Variants in BCAR3 observed in about 807,000 individuals in gnomAD.
BCAR3 encodes breast cancer anti-estrogen resistance protein 3.
BCAR3 carries 37 observed loss-of-function variants against 80.1 expected under a neutral mutation model. That is an observed-to-expected ratio of 0.46 (90% CI 0.36 to 0.61). BCAR3 has a LOEUF of 0.61. Among genes scored for constraint, BCAR3 ranks in the 20% least tolerant of loss-of-function variants. The pLI is 0.00. For synonymous variants in BCAR3, 389 were observed against 418.9 expected (o/e 0.93, Z 0.87); for missense variants, 978 against 1,068.2 (o/e 0.92, Z 1.18).
chr1:93,845,502 A>ATATACATATATATATCATGTTGTCAAG, intron 2 of BCAR3: 1 of 113,822 alleles, frequency 8.8e-6, no homozygotes, highest in African/African-American at 3.5e-5. Flanking sequence ...ATATATATAT[A>ATATACATATATATATCATGTTGTCAAG]AAACTTTGTT....
intron 5 of BCAR3, among the ~76,000 whole-genome samples, chr1:93,585,946 A>G (rs12563504): frequency 0.077 from 11,659 of 152,238 alleles, 861 homozygotes; most frequent in African/African-American, 0.19. Context: ...TAGTAGGTGT[A>G]TATATTTATG....
chr1:93,773,456 G>C (rs1652431370), intron 2 of BCAR3, among the ~76,000 whole-genome samples: 2 of 152,190 alleles, frequency 1.3e-5, no homozygotes, highest in Admixed American at 1.3e-4. Flanking sequence ...GAAGGGGAGG[G>C]GGGCAGACAG....
chr1:93,710,004 T>C (rs1649964221), intron 2 of BCAR3, among the ~76,000 whole-genome samples: 1 of 152,248 alleles, frequency 6.6e-6, no homozygotes, highest in African/African-American at 2.4e-5. Context: ...AAAGTTGTTT[T>C]GGGGAACATT....
chr1:93,662,005 G>A (rs1273438090), intron 2 of BCAR3, among the ~76,000 whole-genome samples: 2 of 152,186 alleles, frequency 1.3e-5, no homozygotes, highest in Admixed American at 1.3e-4. Context: ...CACGTGATGC[G>A]AGAAATTCCT....
At position 93,681,706 on chromosome 1, in the gene BCAR3, C is replaced by G. The variant is rs962685422; in HGVS notation, c.-120G>C. 9 of 151,782 alleles carry G rather than the reference C, an allele frequency of 5.9e-5. No individual in the cohort carries two copies. The East Asian group carries it at 1.8e-3, about 30-fold the overall frequency. 9.4% of individuals were successfully genotyped at this position (151,782 alleles called of 1,614,324 possible). Reference sequence around the variant, plus strand: ...GCACCGCCCGCGCCGCGGCTGCTCCCGGAGCTGGGGACGCTCATGGTCCGC... The same window carrying G: ...GCACCGCCCGCGCCGCGGCTGCTCCGGGAGCTGGGGACGCTCATGGTCCGC... On this transcript the variant is annotated 5_prime_UTR_variant, in exon 1 of 12. Coordinates refer to ENST00000260502, the MANE Select transcript of BCAR3 (RefSeq NM_003567.4).
chr1:93,789,152 AG>A (rs1472127701), intron 2 of BCAR3, among the ~76,000 whole-genome samples: 22 of 152,120 alleles, frequency 1.4e-4, no homozygotes, highest in African/African-American at 4.6e-4. Context: ...TTTAGCACCC[AG>A]CTAATTAAAA....
rs530690128 is a variant in BCAR3, at chr1:93,712,249, C to G, written c.-62-6107G>C. 5.3e-5 allele frequency among the ~76,000 whole-genome samples: 8 copies of G among 152,358 alleles called. 1 individual carries two copies. The South Asian group carries it at 1.2e-3, about 24-fold the overall frequency. ...CCTCTGTCCCCGACCCTGGTTCACC[C>G]AGCCTGTCCCAGGAAAGCCACATCT... On this transcript the variant is annotated intron_variant, in intron 2 of 13. Coordinates refer to the BCAR3 transcript ENST00000370244.
chr1:93,848,004 C>A (rs998289081), upstream of BCAR3: 1 of 176,546 alleles, frequency 5.7e-6, no homozygotes, highest in Non-Finnish European at 1.2e-5. Flanking sequence ...TCGGGTGACA[C>A]CCCCACGCCT....
chr1:93,618,020 G>A (rs1675191764), intron 3 of BCAR3, among the ~76,000 whole-genome samples: 1 of 152,238 alleles, frequency 6.6e-6, no homozygotes. Flanking sequence ...AGGGCCTGAG[G>A]GAGGAGAGCT....
At chr1:93,623,752 A>G (rs1419529756) in intron 3 of BCAR3, among the ~76,000 whole-genome samples, 1 of 152,192 alleles carries the variant, frequency 6.6e-6, no homozygotes, top group Non-Finnish European at 1.5e-5. Flanking sequence ...GGCTCACCTT[A>G]TCAGTGTAAG....
chr1:93,641,924 C>G (rs1357522377), intron 3 of BCAR3, among the ~76,000 whole-genome samples: 1 of 152,174 alleles, frequency 6.6e-6, no homozygotes, highest in East Asian at 1.9e-4. Flanking sequence ...CATTTGTCAT[C>G]TATTTATCCC....
intron 3 of BCAR3, among the ~76,000 whole-genome samples, chr1:93,626,188 C>T (rs988337531): frequency 5.3e-5 from 8 of 152,158 alleles, no homozygotes; most frequent in Non-Finnish European, 8.8e-5. Context: ...CAATTGAGAA[C>T]CCTTACTTCA....
Position 93,567,757 on chromosome 1 carries a change from A to C in BCAR3, c.2069T>G (p.Leu690Arg). The C allele has an allele frequency of 7.4e-6, 12 of 1,614,012 alleles. No individual in the cohort carries two copies. The highest frequency in any genetic ancestry group is 1.0e-5 in the Non-Finnish European group (12 of 1,179,886). ...YEKQLKPFSK[L>R]LHEGRESTCV... Reference sequence around the variant, plus strand: ...GTGCTCACCTCTGCCTTCATGCAGGAGTTTGCTGAAGGGCTTCAGCTGTTT... The same window carrying C: ...GTGCTCACCTCTGCCTTCATGCAGGCGTTTGCTGAAGGGCTTCAGCTGTTT... Residue 690 changes from leucine (L) to arginine (R), a missense_variant, in exon 10 of 12, where the codon CTC becomes CGC. Leu to Arg is a moderately radical substitution (Grantham distance 102, BLOSUM62 -2). Coordinates refer to ENST00000260502, the MANE Select transcript of BCAR3 (RefSeq NM_003567.4).
At chr1:93,840,484 G>A (rs982543645) in intron 2 of BCAR3, among the ~76,000 whole-genome samples, 3 of 152,172 alleles carry the variant, frequency 2.0e-5, no homozygotes, top group South Asian at 4.1e-4. Context: ...TTTAATAGAT[G>A]GTTATTTGTT....
chr1:93,710,746 C>T (rs917525412), intron 2 of BCAR3, among the ~76,000 whole-genome samples: 4 of 152,348 alleles, frequency 2.6e-5, no homozygotes, highest in East Asian at 1.9e-4. Context: ...ATCTAGCTAA[C>T]GCTTTTTGTC....
chr1:93,797,272 C>G (rs1653310937), intron 2 of BCAR3, among the ~76,000 whole-genome samples: 1 of 152,158 alleles, frequency 6.6e-6, no homozygotes, highest in South Asian at 2.1e-4. Flanking sequence ...GCTTCTCAAC[C>G]CTCACTTTCC....
At chr1:93,816,773 T>C (rs868527972) in intron 2 of BCAR3, among the ~76,000 whole-genome samples, 1 of 151,822 alleles carries the variant, frequency 6.6e-6, no homozygotes, top group Non-Finnish European at 1.5e-5. Flanking sequence ...GAATTCTTGA[T>C]TGACAATGTC....
intron 2 of BCAR3, among the ~76,000 whole-genome samples, chr1:93,764,685 A>C (rs1652079833): frequency 6.6e-6 from 1 of 152,010 alleles, no homozygotes; most frequent in African/African-American, 2.4e-5. Context: ...CTCTCTCCTC[A>C]GTGCCTAGGG....
At chr1:93,663,180 T>C (rs1647743454) in intron 2 of BCAR3, among the ~76,000 whole-genome samples, 1 of 152,224 alleles carries the variant, frequency 6.6e-6, no homozygotes, top group Admixed American at 6.5e-5. Flanking sequence ...CTTAGCAGTT[T>C]GGTTTCTCTC....
Sources: allele counts gnomAD v4.1 joint callset (sites outside exome capture counted in the v4.1 genomes callset), GRCh38; gene constraint gnomAD v4.1.1; transcripts MANE v1.5; gene names NCBI Gene and HGNC (gene_info 2026-07-23, HGNC 2026-07-21).